GPHN: variants seen among roughly 807,000 people sequenced by gnomAD.
GPHN encodes the protein gephyrin.
In GPHN, 17 loss-of-function variants were observed where a neutral mutation model predicts 95.5. The ratio of observed to expected loss-of-function variants is 0.18; its 90% confidence interval spans 0.12 to 0.27. The LOEUF (loss-of-function observed/expected upper bound fraction) is 0.27. Among genes scored for constraint, GPHN ranks in the 10% least tolerant of loss-of-function variants. The pLI, the probability that GPHN is intolerant of heterozygous loss-of-function variation, is 1.00. For synonymous variants in GPHN, 320 were observed against 322.5 expected (o/e 0.99, Z 0.08); for missense variants, 660 against 978.1 (o/e 0.67, Z 4.34).
At chr14:66,811,762 A>G (rs755936367) in intron 3 of GPHN, among the ~76,000 whole-genome samples, 2 of 152,208 alleles carry the variant, frequency 1.3e-5, no homozygotes, top group African/African-American at 2.4e-5. Flanking sequence ...TTGGTACTAC[A>G]TTTTATTGAC....
intron 8 of GPHN, among the ~76,000 whole-genome samples, chr14:66,943,097 T>C (rs1567131866): frequency 6.6e-6 from 1 of 152,190 alleles, no homozygotes; most frequent in Non-Finnish European, 1.5e-5. Context: ...AGTCAATATG[T>C]TTACACATGG....
the GPHN span, among the ~76,000 whole-genome samples, chr14:67,605,853 T>G: frequency 1.3e-5 from 2 of 151,914 alleles, no homozygotes; most frequent in African/African-American, 4.8e-5. Flanking sequence ...TGGCTAATTT[T>G]TATATTTGTA....
chr14:66,769,491 A>G (rs899085842), intron 2 of GPHN, among the ~76,000 whole-genome samples: 2 of 151,862 alleles, frequency 1.3e-5, no homozygotes, highest in African/African-American at 4.8e-5. Context: ...TCCACCCTCC[A>G]ATAGACCCCG....
intron 1 of GPHN, among the ~76,000 whole-genome samples, chr14:66,657,089 G>T (rs945747580): frequency 4.6e-5 from 7 of 152,190 alleles, no homozygotes; most frequent in Non-Finnish European, 1.5e-5. Context: ...TGCTGTTTCA[G>T]ATAACACATG....
At chr14:67,063,740 A>G (rs1369803386) in intron 11 of GPHN, among the ~76,000 whole-genome samples, 1 of 152,052 alleles carries the variant, frequency 6.6e-6, no homozygotes, top group Non-Finnish European at 1.5e-5. Context: ...TGTGTCTGTT[A>G]TTGGTGTATA....
chr14:67,263,558 G>C, the GPHN span, among the ~76,000 whole-genome samples: 1 of 152,134 alleles, frequency 6.6e-6, no homozygotes, highest in East Asian at 1.9e-4. Context: ...TCTTCTCTTA[G>C]TATAGGATAA....
intron 3 of GPHN, among the ~76,000 whole-genome samples, chr14:66,789,645 T>C (rs141552423): frequency 1.3e-3 from 195 of 152,182 alleles, no homozygotes; most frequent in African/African-American, 4.4e-3. Flanking sequence ...GAATCCTGGA[T>C]CCCCAAAAGA....
the GPHN span, among the ~76,000 whole-genome samples, chr14:67,489,717 G>A: frequency 3.9e-5 from 6 of 152,194 alleles, no homozygotes; most frequent in Non-Finnish European, 7.3e-5. Flanking sequence ...GTAGCCGGGC[G>A]CGGTGGCTCA....
intron 1 of GPHN, among the ~76,000 whole-genome samples, chr14:66,571,640 G>A (rs1002790169): frequency 3.9e-5 from 6 of 151,940 alleles, no homozygotes; most frequent in South Asian, 4.1e-4. Flanking sequence ...GTGAAACCGC[G>A]TCTCTACTAA....
chr14:67,352,170 T>C, the GPHN span, among the ~76,000 whole-genome samples: 2 of 152,032 alleles, frequency 1.3e-5, no homozygotes, highest in African/African-American at 4.8e-5. Flanking sequence ...AAAATGCTTT[T>C]GTTAAGTACG....
At chr14:66,884,965 C>T (rs2153536812) in intron 5 of GPHN, among the ~76,000 whole-genome samples, 1 of 151,832 alleles carries the variant, frequency 6.6e-6, no homozygotes, top group African/African-American at 2.4e-5. Flanking sequence ...TAAACACATG[C>T]ACTGCTTTTA....
At chr14:66,821,541 TG>T (rs1349726922) in intron 3 of GPHN, among the ~76,000 whole-genome samples, 1 of 152,212 alleles carries the variant, frequency 6.6e-6, no homozygotes, top group Admixed American at 6.5e-5. Flanking sequence ...TTTGCATTGC[TG>T]TTCTCTAAGG....
At chr14:66,526,957 C>T (rs2058715463) in intron 1 of GPHN, among the ~76,000 whole-genome samples, 1 of 152,054 alleles carries the variant, frequency 6.6e-6, no homozygotes, top group South Asian at 2.1e-4. Flanking sequence ...GTGTCTCTGC[C>T]AGGTTTTGGT....
chr14:67,337,927 T>C, the GPHN span: 1 of 152,210 alleles, frequency 6.6e-6, no homozygotes, highest in Non-Finnish European at 1.5e-5. Context: ...GTCTCAAAAG[T>C]AAGCCTTTTT....
the GPHN span, among the ~76,000 whole-genome samples, chr14:67,577,037 C>T: frequency 1.3e-5 from 2 of 152,154 alleles, no homozygotes; most frequent in African/African-American, 2.4e-5. Flanking sequence ...CTCCCCTGCA[C>T]ACATCCACCT....
At chr14:67,555,631 G>A in the GPHN span, among the ~76,000 whole-genome samples, 20 of 152,316 alleles carry the variant, frequency 1.3e-4, no homozygotes, top group African/African-American at 4.3e-4. Context: ...CTCTTCACCT[G>A]CCCCATGAAC....
At chr14:66,968,855 AATTG>A (rs977063789) in intron 9 of GPHN, among the ~76,000 whole-genome samples, 1 of 148,934 alleles carries the variant, frequency 6.7e-6, no homozygotes, top group Non-Finnish European at 1.5e-5. Context: ...TAAATTCTAG[AATTG>A]ATTATCAAGA....
the GPHN span, among the ~76,000 whole-genome samples, chr14:67,365,467 C>T: frequency 4.6e-5 from 7 of 152,108 alleles, no homozygotes; most frequent in African/African-American, 1.4e-4. Flanking sequence ...ATATACTATG[C>T]GTGTATATAC....
chr14:66,741,417 A>T (rs1482336974), intron 2 of GPHN, among the ~76,000 whole-genome samples: 1 of 152,196 alleles, frequency 6.6e-6, no homozygotes, highest in Non-Finnish European at 1.5e-5. Context: ...ATAGTAGAGG[A>T]TATATATGTA....
Sources: allele counts gnomAD v4.1 joint callset (sites outside exome capture counted in the v4.1 genomes callset), GRCh38; gene constraint gnomAD v4.1.1; transcripts MANE v1.5; gene names NCBI Gene and HGNC (gene_info 2026-07-23, HGNC 2026-07-21).